Variants in DAZAP2 observed in about 807,000 individuals in gnomAD.
DAZAP2 encodes the protein DAZ associated protein 2, also known as DAZ-associated protein 2.
Under a neutral mutation model 16.2 loss-of-function variants are expected in DAZAP2, and 3 were observed. That is an observed-to-expected ratio of 0.19 (90% CI 0.08 to 0.48). The LOEUF (loss-of-function observed/expected upper bound fraction) is 0.48, where lower values mean the gene tolerates loss of function less well. Among genes scored for constraint, DAZAP2 ranks in the 20% least tolerant of loss-of-function variants. DAZAP2 has a pLI of 0.98. For missense variants in DAZAP2, 172 were observed against 215.9 expected (o/e 0.80, Z 1.27); for synonymous variants, 69 against 77.6 (o/e 0.89, Z 0.58).
downstream of DAZAP2, among the ~76,000 whole-genome samples, chr12:51,244,289 C>G (rs1396725135): frequency 6.6e-6 from 1 of 152,176 alleles, no homozygotes; most frequent in East Asian, 1.9e-4. Flanking sequence ...CTCCACCTCC[C>G]GGGTTCAAGT....
intron 3 of DAZAP2, among the ~76,000 whole-genome samples, chr12:51,241,952 T>C (rs1172454441): frequency 6.6e-6 from 1 of 151,686 alleles, no homozygotes; most frequent in Non-Finnish European, 1.5e-5. Context: ...AAATTAAAAA[T>C]TAAAAACTAT....
Position 51,243,832 on chromosome 12 carries a change from A to G in DAZAP2, c.*1374A>G. 1 of 984,652 alleles carries G rather than the reference A, an allele frequency of 1.0e-6. No homozygotes were observed. Among genetic ancestry groups the G allele is most frequent in the South Asian group, 4.7e-5 (1 of 21,272 alleles). The allele number at this position is 984,652 out of a possible 1,614,324, so 61.0% of individuals were successfully genotyped here. A position where few individuals can be genotyped will look rare whatever the true frequency, so the allele number is the denominator to read the frequency against. On this transcript the variant is annotated 3_prime_UTR_variant, in exon 4 of 4. Transcript: ENST00000412716. ...CTTAGCTTGTTTTTAGATTTCTTCTATATATATTTTATTTATATCCCATCT... is the reference window on the plus strand; with the variant it reads ...CTTAGCTTGTTTTTAGATTTCTTCTGTATATATTTTATTTATATCCCATCT...
At position 51,242,386 on chromosome 12, in the gene DAZAP2, C is replaced by T; in HGVS notation, c.435C>T (p.Ala145=). The T allele has an allele frequency of 6.2e-7, 1 of 1,613,836 alleles. No individual in the cohort carries two copies. The highest frequency in any genetic ancestry group is 8.5e-7 in the Non-Finnish European group (1 of 1,179,820). The change falls in exon 4 of 4, where the codon GCC becomes GCT. Residue 145 remains alanine, a synonymous_variant. Coordinates refer to ENST00000412716, the MANE Select transcript of DAZAP2 (RefSeq NM_014764.4). ...CTCAGCTTGCAGTCATGCAGGGAGC[C>T]AACGTCCTCGTAACTCAGCGGAAGG... ...NAAQLAVMQG[A]NVLVTQRKGN...
Position 51,241,106 on chromosome 12 carries a change from G to C in DAZAP2, c.368G>C (p.Gly123Ala). Reference sequence around the variant, plus strand: ...AGATTTGGAGCTGGGGCTACTGCTGGCAACATTCCTGTGAGTATGACCTCA... The same window carrying C: ...AGATTTGGAGCTGGGGCTACTGCTGCCAACATTCCTGTGAGTATGACCTCA... ...GARFGAGATA[G>A]NIPPPPPGCP... Residue 123 changes from glycine (G) to alanine (A), a missense_variant, in exon 3 of 4, where the codon GGC becomes GCC. Physicochemically the swap from Gly to Ala is moderately conservative, Grantham distance 60. Coordinates refer to ENST00000412716, the MANE Select transcript of DAZAP2 (RefSeq NM_014764.4). 1 of 1,614,166 alleles carries C rather than the reference G, an allele frequency of 6.2e-7. No homozygotes were observed. Among genetic ancestry groups the C allele is most frequent in the South Asian group, 1.1e-5 (1 of 91,080 alleles).
At chr12:51,240,826 G>A (rs759246331) in intron 2 of DAZAP2, 45 bp from the exon 3 acceptor site, 1 of 1,594,578 alleles carries the variant, frequency 6.3e-7, no homozygotes, top group Non-Finnish European at 8.6e-7. Flanking sequence ...TCTCAAATAG[G>A]AATGTCATAA....
At chr12:51,239,348 TCCCTTCGCACCCCCTCG>T in intron 1 of DAZAP2, 2 of 188,974 alleles carry the variant, frequency 1.1e-5, no homozygotes, top group Admixed American at 1.1e-4. Context: ...CTCTTTTCCT[TCCCTTCGCACCCCCTCG>T]CCCTTCGCTG....
intron 3 of DAZAP2, 121 bp from the exon 4 acceptor site, chr12:51,242,209 A>T (rs1944689687): frequency 7.2e-7 from 1 of 1,386,914 alleles, no homozygotes; most frequent in Non-Finnish European, 9.6e-7. Context: ...TGGCGGAACT[A>T]GCTCCTTAAA....
intron 1 of DAZAP2, chr12:51,239,929 T>C (rs1031115423): frequency 5.4e-6 from 1 of 186,424 alleles, no homozygotes; most frequent in Non-Finnish European, 1.1e-5. Context: ...TAGTAATCTG[T>C]AAGGAAAATC....
chr12:51,240,789 G>A (rs1944661109), intron 2 of DAZAP2, 82 bp from the exon 3 acceptor site: 1 of 1,537,774 alleles, frequency 6.5e-7, no homozygotes. Context: ...TGCATAAGGA[G>A]AATTAAGAAT....
Position 51,243,403 on chromosome 12 carries a change from C to T in DAZAP2, c.*945C>T. ...TCAAAAACTGGTTACCATTTTTTGT[C>T]AGAGTGTCTGATGCGGCCACTCATT... On this transcript the variant is annotated 3_prime_UTR_variant, in exon 4 of 4. Transcript: ENST00000412716. The T allele has an allele frequency of 1.0e-6, 1 of 985,732 alleles. No homozygotes were observed. The allele number at this position is 985,732 out of a possible 1,614,324, so 61.1% of individuals were successfully genotyped here. A position where few individuals can be genotyped will look rare whatever the true frequency, so the allele number is the denominator to read the frequency against.
rs1480966446 is a variant in DAZAP2 at position 51,240,784 on chromosome 12, AAGG to A, written c.133-84_133-82del. The A allele has an allele frequency of 5.2e-6, 8 of 1,523,932 alleles. No individual in the cohort carries two copies. The African/African-American group carries it at 9.6e-5, about 18-fold the overall frequency. The allele number at this position is 1,523,932 out of a possible 1,614,324, so 94.4% of individuals were successfully genotyped here. ...ATCTTACAAAAAGTATAACCTGCAT[AAGG>A]AGAATTAAGAATTAGCTCATTAAAG... On this transcript the variant is annotated intron_variant, in intron 2 of 3. Coordinates refer to ENST00000412716, the MANE Select transcript of DAZAP2 (RefSeq NM_014764.4).
chr12:51,238,943 G>A (rs1944603607), intron 1 of DAZAP2, 23 bp downstream of exon 1: 4 of 1,612,940 alleles, frequency 2.5e-6, no homozygotes, highest in Admixed American at 1.7e-5. Context: ...GGTGGCAGAG[G>A]CCGTCGGGGG....
rs1456532448 is a variant in DAZAP2 at position 51,242,260 on chromosome 12, T to C, written c.379-70T>C. 2.6e-6 allele frequency: 4 copies of C among 1,513,036 alleles called. No individual in the cohort carries two copies. The Admixed American group carries it at 9.1e-5, about 34-fold the overall frequency. 93.7% of individuals were successfully genotyped at this position (1,513,036 alleles called of 1,614,324 possible). ...ACATTGCCTCATCCTAACAGGCCTCTGCTTCCCCTATGTCCCCTTCGCTTA... is the reference window on the plus strand; with the variant it reads ...ACATTGCCTCATCCTAACAGGCCTCCGCTTCCCCTATGTCCCCTTCGCTTA... On this transcript the variant is annotated intron_variant, in intron 3 of 3. Coordinates refer to ENST00000412716, the MANE Select transcript of DAZAP2 (RefSeq NM_014764.4).
chr12:51,242,672 G>A lies in DAZAP2; in HGVS notation c.*214G>A, dbSNP rs1182027233. The A allele has an allele frequency of 3.3e-6, 5 of 1,516,560 alleles. No homozygotes were observed. Among genetic ancestry groups the A allele is most frequent in the African/African-American group, 2.8e-5 (2 of 71,720 alleles). 93.9% of individuals were successfully genotyped at this position (1,516,560 alleles called of 1,614,324 possible). ...CCCTAAAGCATTTTGAGGTAGGGGA[G>A]GTATCCATTCATAAAATGAATGTGG... On this transcript the variant is annotated 3_prime_UTR_variant, in exon 4 of 4. Coordinates refer to ENST00000412716, the MANE Select transcript of DAZAP2 (RefSeq NM_014764.4).
chr12:51,245,955 C>T, downstream of DAZAP2: 2 of 1,613,272 alleles, frequency 1.2e-6, no homozygotes, highest in Non-Finnish European at 1.7e-6. Flanking sequence ...ATGAAATATT[C>T]CTCTTTCTCG....
chr12:51,243,203 C>T lies in DAZAP2; in HGVS notation c.*745C>T, dbSNP rs1042667390. The T allele has an allele frequency of 5.1e-6, 5 of 985,732 alleles. No individual in the cohort carries two copies. The highest frequency in any genetic ancestry group is 3.6e-6 in the Non-Finnish European group (3 of 829,994). The allele number at this position is 985,732 out of a possible 1,614,324, so 61.1% of individuals were successfully genotyped here. A position where few individuals can be genotyped will look rare whatever the true frequency, so the allele number is the denominator to read the frequency against. On this transcript the variant is annotated 3_prime_UTR_variant, in exon 4 of 4. Transcript: ENST00000412716. ...TCCTCATAGGTTGTCTCTGCATACA[C>T]GAACCTAACCCAAATTTGCTTTGGT...
At chr12:51,245,374 A>G (rs1944753200), downstream of DAZAP2, 1 of 152,692 alleles carries the variant, frequency 6.5e-6, no homozygotes, top group Non-Finnish European at 1.5e-5. Context: ...GAAAATTTTT[A>G]ATTTGAATAA....
chr12:51,238,959 C>G, intron 1 of DAZAP2, 39 bp downstream of exon 1: 2 of 1,611,634 alleles, frequency 1.2e-6, no homozygotes, highest in Non-Finnish European at 1.7e-6. Flanking sequence ...GGGGGGAGTA[C>G]TGCTGGCCCA....
rs1320711896 is a variant in DAZAP2 at position 51,240,430 on chromosome 12, C to T, written c.101C>T (p.Pro34Leu). ...PQTLHLPQAP[P>L]YTDAPPAYSE... is the part of the protein sequence containing the mutation. Reference sequence around the variant, plus strand: ...ACCTTGCATCTTCCTCAGGCTCCACCCTATACCGATGCTCCACCTGCCTAC... The same window carrying T: ...ACCTTGCATCTTCCTCAGGCTCCACTCTATACCGATGCTCCACCTGCCTAC... The change falls in exon 2 of 4, where the codon CCC becomes CTC. Residue 34 changes from proline to leucine, a missense_variant. By Grantham distance (98) the Pro-to-Leu change is moderately conservative. Transcript: ENST00000412716. The T allele has an allele frequency of 6.2e-7, 1 of 1,613,964 alleles. No homozygotes were observed. The highest frequency in any genetic ancestry group is 8.5e-7 in the Non-Finnish European group (1 of 1,180,014).
Sources: gnomAD v4.1 joint callset for allele counts (sites outside exome capture counted in the v4.1 genomes callset) on GRCh38, gnomAD v4.1.1 for gene constraint, MANE v1.5 for transcripts, NCBI Gene and HGNC (gene_info 2026-07-23, HGNC 2026-07-21) for gene names.